Variants in RGS17 observed in about 807,000 individuals in gnomAD.
RGS17 encodes the protein regulator of G-protein signaling 17.
RGS17 carries 12 observed loss-of-function variants against 25.5 expected under a neutral mutation model. That is an observed-to-expected ratio of 0.47 (90% confidence interval 0.30 to 0.76). The LOEUF (loss-of-function observed/expected upper bound fraction) is 0.76. Ranked by LOEUF, RGS17 falls within the 30% of genes least tolerant of loss-of-function variation. The probability of loss-of-function intolerance (pLI) is 0.07; values close to 1 mark genes in which losing one functional copy is unlikely to be tolerated. For missense variants in RGS17, 196 were observed against 242.2 expected, an observed-to-expected ratio of 0.81 and a Z score of 1.27; for synonymous variants, 71 against 76.9, an observed-to-expected ratio of 0.92 and a Z score of 0.40.
chr6:153,111,856 A>G (rs1346576084), intron 1 of RGS17, among the ~76,000 whole-genome samples: 3 of 152,222 alleles, frequency 2.0e-5, no homozygotes, highest in Non-Finnish European at 4.4e-5. Context: ...GACTGTTAGA[A>G]GCAAAACTAG....
intron 1 of RGS17, among the ~76,000 whole-genome samples, chr6:153,098,698 T>G (rs1240695342): frequency 6.6e-6 from 1 of 152,140 alleles, no homozygotes; most frequent in Non-Finnish European, 1.5e-5. Flanking sequence ...AGATGCCGGG[T>G]GGCAACTCTG....
chr6:153,089,956 A>G (rs899515707), intron 1 of RGS17, among the ~76,000 whole-genome samples: 1 of 152,212 alleles, frequency 6.6e-6, no homozygotes, highest in Non-Finnish European at 1.5e-5. Flanking sequence ...TCTAGTCCAC[A>G]TAATCATTAG....
intron 1 of RGS17, among the ~76,000 whole-genome samples, chr6:153,113,367 G>A (rs540629700): frequency 2.3e-4 from 35 of 152,152 alleles, no homozygotes; most frequent in African/African-American, 7.7e-4. Flanking sequence ...GATCAATGCC[G>A]CAAGAAGAGC....
chr6:153,096,179 G>C (rs1256378592), intron 1 of RGS17, among the ~76,000 whole-genome samples: 1 of 147,588 alleles, frequency 6.8e-6, no homozygotes, highest in African/African-American at 2.5e-5. Flanking sequence ...ACGAGGGAAG[G>C]AGGGTCAGCA....
intron 1 of RGS17, among the ~76,000 whole-genome samples, chr6:153,082,064 C>G (rs1776994489): frequency 6.6e-6 from 1 of 152,186 alleles, no homozygotes; most frequent in African/African-American, 2.4e-5. Flanking sequence ...CCATTATCTT[C>G]TGGCTTGCAT....
intron 1 of RGS17, among the ~76,000 whole-genome samples, chr6:153,106,967 A>G (rs9383649): frequency 0.47 from 70,870 of 151,830 alleles, 17,176 homozygotes; most frequent in East Asian, 0.85. Flanking sequence ...TAGGATTCAC[A>G]GAGTTCTACA....
intron 1 of RGS17, among the ~76,000 whole-genome samples, chr6:153,120,512 T>G (rs1010611109): frequency 1.3e-5 from 2 of 152,178 alleles, no homozygotes; most frequent in African/African-American, 4.8e-5. Context: ...TTTCTCAGTT[T>G]AGGCCTCTTC....
At position 153,115,004 on chromosome 6, in the gene RGS17, C is replaced by T. The variant is rs1441047792; in HGVS notation, c.-26+16120G>A. On this transcript the variant is annotated intron_variant, in intron 1 of 4. Coordinates refer to ENST00000206262, the MANE Select transcript of RGS17 (RefSeq NM_012419.5). Reference sequence around the variant, plus strand: ...AATGGGCAAAAGCTGGAAGCATTCCCTTTGAAAACTGGCACAAGACAAGGA... The same window carrying T: ...AATGGGCAAAAGCTGGAAGCATTCCTTTTGAAAACTGGCACAAGACAAGGA... Among the ~76,000 whole-genome samples, 4 of 152,164 alleles carry T rather than the reference C, an allele frequency of 2.6e-5. No homozygotes were observed. The East Asian group carries it at 7.7e-4, about 29-fold the overall frequency.
intron 1 of RGS17, among the ~76,000 whole-genome samples, chr6:153,111,960 A>G (rs1035544832): frequency 1.3e-5 from 2 of 152,190 alleles, no homozygotes; most frequent in Non-Finnish European, 2.9e-5. Context: ...AGGTAGATAA[A>G]TCCACAAAGA....
At chr6:153,096,637 A>C (rs1777217527) in intron 1 of RGS17, among the ~76,000 whole-genome samples, 1 of 152,212 alleles carries the variant, frequency 6.6e-6, no homozygotes, top group Non-Finnish European at 1.5e-5. Context: ...GTTGCCACAT[A>C]AGTAAAAATT....
chr6:153,070,662 C>A (rs1776775843), intron 1 of RGS17, among the ~76,000 whole-genome samples: 1 of 120,270 alleles, frequency 8.3e-6, no homozygotes, highest in Admixed American at 8.1e-5. Context: ...CCCTCAGTAC[C>A]ACATGGAAGA....
chr6:153,065,821 C>CA (rs1776699096), intron 1 of RGS17, among the ~76,000 whole-genome samples: 1 of 151,956 alleles, frequency 6.6e-6, no homozygotes, highest in African/African-American at 2.4e-5. Context: ...GTGCCTACAT[C>CA]AACAAAGAAG....
chr6:153,100,746 T>C (rs536918837), intron 1 of RGS17, among the ~76,000 whole-genome samples: 1 of 152,300 alleles, frequency 6.6e-6, no homozygotes, highest in East Asian at 1.9e-4. Context: ...TATTTTAAAT[T>C]TGGCTTAAAG....
chr6:153,058,846 G>A (rs1776598941), intron 1 of RGS17, among the ~76,000 whole-genome samples: 2 of 151,574 alleles, frequency 1.3e-5, no homozygotes, highest in African/African-American at 4.9e-5. Flanking sequence ...TACCTAAAAA[G>A]AGTTGTCCTG....
chr6:153,067,231 C>A (rs1406972389), intron 1 of RGS17, among the ~76,000 whole-genome samples: 2 of 151,918 alleles, frequency 1.3e-5, no homozygotes, highest in Non-Finnish European at 2.9e-5. Flanking sequence ...AATGGAAAGC[C>A]TTTCCTCTAA....
chr6:153,079,132 G>T (rs989194683), intron 1 of RGS17, among the ~76,000 whole-genome samples: 1 of 151,530 alleles, frequency 6.6e-6, no homozygotes, highest in Non-Finnish European at 1.5e-5. Flanking sequence ...AGGCTGGAGT[G>T]CAGTGGTCCA....
chr6:153,008,533 G>A lies in RGS17; in HGVS notation c.*3041C>T, dbSNP rs1779100828. Reference sequence around the variant, plus strand: ...TGATTAATGTACAAGATCAATCTCTGAAGAAATCTGGCTCTCCAATTTATT... The same window carrying A: ...TGATTAATGTACAAGATCAATCTCTAAAGAAATCTGGCTCTCCAATTTATT... On this transcript the variant is annotated 3_prime_UTR_variant, in exon 5 of 5. Coordinates refer to ENST00000206262, the MANE Select transcript of RGS17 (RefSeq NM_012419.5). 1 of 152,146 alleles carries A rather than the reference G, an allele frequency of 6.6e-6. No individual in the cohort carries two copies. Among genetic ancestry groups the A allele is most frequent in the African/African-American group, 2.4e-5 (1 of 41,436 alleles). 9.4% of individuals were successfully genotyped at this position (152,146 alleles called of 1,614,324 possible). A position where few individuals can be genotyped will look rare whatever the true frequency, so the allele number is the denominator to read the frequency against.
intron 1 of RGS17, among the ~76,000 whole-genome samples, chr6:153,092,430 AG>A (rs1276152303): frequency 6.6e-6 from 1 of 152,204 alleles, no homozygotes; most frequent in African/African-American, 2.4e-5. Context: ...AGCTCTCTCT[AG>A]GAAACTACAG....
rs1282509353 is a variant in RGS17 at position 153,130,549 on chromosome 6, G to C, written c.-26+575C>G. On this transcript the variant is annotated intron_variant, in intron 1 of 4. Coordinates refer to ENST00000206262, the MANE Select transcript of RGS17 (RefSeq NM_012419.5). The surrounding 1 kb of genome is among the most constrained non-coding windows in gnomAD (Gnocchi z 6.4). ...ACTGCTGGTCAAAGGATTCATTTTC[G>C]CAACCTCTTCTTCGAACACCTTCCC... 6.6e-6 allele frequency among the ~76,000 whole-genome samples: 1 copy of C among 151,330 alleles called. No homozygotes were observed. The highest frequency in any genetic ancestry group is 2.4e-5 in the African/African-American group (1 of 41,104).
Sources: allele counts gnomAD v4.1 joint callset (sites outside exome capture counted in the v4.1 genomes callset), GRCh38; gene constraint gnomAD v4.1.1; non-coding constraint Gnocchi (gnomAD v3.1); transcripts MANE v1.5; gene names NCBI Gene and HGNC (gene_info 2026-07-23, HGNC 2026-07-21).